Variants in STAG1 observed in about 807,000 individuals in gnomAD.
STAG1 encodes the protein cohesin subunit SA-1.
A neutral mutation model predicts 170.9 loss-of-function variants in STAG1; 26 were observed. The ratio of observed to expected loss-of-function variants is 0.15; its 90% CI spans 0.11 to 0.21. The LOEUF (loss-of-function observed/expected upper bound fraction) is 0.21, where lower values mean the gene tolerates loss of function less well. Ranked by LOEUF, STAG1 falls within the 10% of genes least tolerant of loss-of-function variation. The pLI is 1.00. For missense variants in STAG1, 964 were observed against 1,509.5 expected, an observed-to-expected ratio of 0.64 and a Z score of 5.99; for synonymous variants, 514 against 497.7, an observed-to-expected ratio of 1.03 and a Z score of -0.44.
intron 4 of STAG1, among the ~76,000 whole-genome samples, chr3:136,601,254 G>C (rs1485826154): frequency 6.6e-6 from 1 of 152,012 alleles, no homozygotes; most frequent in Non-Finnish European, 1.5e-5. Context: ...AGGAAGTACT[G>C]CCAAAATAAT....
chr3:136,515,333 C>T (rs571009165), intron 7 of STAG1, among the ~76,000 whole-genome samples: 24 of 152,186 alleles, frequency 1.6e-4, no homozygotes, highest in Non-Finnish European at 3.2e-4. Flanking sequence ...CCACAGCACT[C>T]CAGCCTGGGT....
intron 5 of STAG1, among the ~76,000 whole-genome samples, chr3:136,565,368 C>T (rs1279409336): frequency 6.6e-6 from 1 of 152,110 alleles, no homozygotes; most frequent in South Asian, 2.1e-4. Flanking sequence ...GAGCAAAGGA[C>T]TTGAATGTAT....
chr3:136,548,451 A>G (rs1181488986), intron 5 of STAG1, among the ~76,000 whole-genome samples: 2 of 152,226 alleles, frequency 1.3e-5, no homozygotes, highest in East Asian at 3.9e-4. Context: ...CGTATTTTGA[A>G]GTTTGGAAGT....
chr3:136,744,208 T>G lies in STAG1; in HGVS notation c.-84+7987A>C, dbSNP rs140467999. Among the ~76,000 whole-genome samples, 247 of 152,328 alleles carry G rather than the reference T, an allele frequency of 1.6e-3. 4 individuals carry two copies. The East Asian group carries it at 0.025, about 16-fold the overall frequency. ...CAGACATGGTGGTGCATCCCTGTAA[T>G]TCCAGCTACTCGGGTGGCTGAGGCC... On this transcript the variant is annotated intron_variant, in intron 1 of 33. Transcript: ENST00000383202.
intron 19 of STAG1, 25 bp downstream of exon 19, chr3:136,422,385 T>C: frequency 6.3e-7 from 1 of 1,592,802 alleles, no homozygotes; most frequent in African/African-American, 1.3e-5. Context: ...TATTATTATA[T>C]GTACACATTA....
At chr3:136,499,507 C>T (rs1040718948) in intron 9 of STAG1, among the ~76,000 whole-genome samples, 1 of 152,304 alleles carries the variant, frequency 6.6e-6, no homozygotes, top group East Asian at 1.9e-4. Flanking sequence ...GGTCTGAAAA[C>T]AGTGCTTCTA....
At chr3:136,475,233 G>A (rs1189548080) in intron 10 of STAG1, among the ~76,000 whole-genome samples, 1 of 131,090 alleles carries the variant, frequency 7.6e-6, no homozygotes. Context: ...TGCAACCTCC[G>A]CCTCCCAGGT....
chr3:136,740,397 GA>G (rs1400591738), intron 1 of STAG1, among the ~76,000 whole-genome samples: 1 of 152,200 alleles, frequency 6.6e-6, no homozygotes, highest in Non-Finnish European at 1.5e-5. Context: ...GTAAAAGGGG[GA>G]TAACACCAAC....
intron 9 of STAG1, among the ~76,000 whole-genome samples, chr3:136,496,465 T>C (rs542618379): frequency 5.3e-4 from 80 of 152,236 alleles, no homozygotes; most frequent in African/African-American, 1.8e-3. Flanking sequence ...TTTGACTACA[T>C]TGAAATTAAA....
intron 3 of STAG1, among the ~76,000 whole-genome samples, chr3:136,613,183 T>C (rs1350533464): frequency 6.6e-6 from 1 of 151,844 alleles, no homozygotes; most frequent in Non-Finnish European, 1.5e-5. Context: ...CGGGTGCCTG[T>C]AGTCCCAGCT....
At chr3:136,421,230 C>A in intron 19 of STAG1, 67 bp from the exon 20 acceptor site, 1 of 974,668 alleles carries the variant, frequency 1.0e-6, no homozygotes, top group Non-Finnish European at 1.5e-6. Flanking sequence ...CTACTTATTG[C>A]CTAAATAAAA....
chr3:136,550,799 G>A (rs1936350380), intron 5 of STAG1, among the ~76,000 whole-genome samples: 2 of 149,422 alleles, frequency 1.3e-5, no homozygotes, highest in South Asian at 4.6e-4. Flanking sequence ...ACTTGTTTTT[G>A]ATGACCACAA....
intron 1 of STAG1, among the ~76,000 whole-genome samples, chr3:136,748,363 T>C (rs1935057281): frequency 6.6e-6 from 1 of 151,842 alleles, no homozygotes; most frequent in South Asian, 2.1e-4. Context: ...ATCATGCCAT[T>C]GCACTCTGGT....
chr3:136,610,813 G>A (rs556785884), intron 3 of STAG1, among the ~76,000 whole-genome samples: 1 of 152,240 alleles, frequency 6.6e-6, no homozygotes, highest in Admixed American at 6.5e-5. Context: ...TTGGTGTTGT[G>A]TATGCACAAT....
chr3:136,724,142 C>T (rs71514804), intron 1 of STAG1, among the ~76,000 whole-genome samples: 7 of 145,590 alleles, frequency 4.8e-5, no homozygotes, highest in African/African-American at 1.7e-4. Context: ...ATGACAATGG[C>T]GGTTTTGTGG....
intron 1 of STAG1, among the ~76,000 whole-genome samples, chr3:136,664,078 A>T (rs1408753082): frequency 6.6e-6 from 1 of 152,198 alleles, no homozygotes; most frequent in Non-Finnish European, 1.5e-5. Flanking sequence ...GTTGACAGCA[A>T]GGCTGTCAGC....
At chr3:136,583,018 T>A (rs1471113695) in intron 4 of STAG1, among the ~76,000 whole-genome samples, 1 of 152,226 alleles carries the variant, frequency 6.6e-6, no homozygotes. Flanking sequence ...TGAACTGCTA[T>A]GCTTCTTCTC....
chr3:136,472,538 A>C (rs2089652103), intron 11 of STAG1, 46 bp from the exon 12 acceptor site: 2 of 1,325,068 alleles, frequency 1.5e-6, no homozygotes, highest in East Asian at 4.6e-5. Context: ...AACAGAAAAT[A>C]AGCTGGGACA....
intron 1 of STAG1, among the ~76,000 whole-genome samples, chr3:136,640,996 G>GA (rs1451933912): frequency 1.3e-5 from 2 of 152,140 alleles, no homozygotes; most frequent in African/African-American, 2.4e-5. Context: ...CATTTTATCT[G>GA]AAAATCTGAA....
Sources: gnomAD v4.1 joint callset for allele counts (sites outside exome capture counted in the v4.1 genomes callset) on GRCh38, gnomAD v4.1.1 for gene constraint, MANE v1.5 for transcripts, NCBI Gene and HGNC (gene_info 2026-07-23, HGNC 2026-07-21) for gene names.